Variants in GRM3 observed in about 807,000 individuals in gnomAD.
The protein encoded by GRM3 is glutamate metabotropic receptor 3.
In GRM3, 26 loss-of-function variants were observed where a neutral mutation model predicts 70.5. That is an observed-to-expected ratio of 0.37 (90% CI 0.27 to 0.51). GRM3 has a LOEUF of 0.51. GRM3 is among the 20% of genes least tolerant of loss of function. The probability of loss-of-function intolerance (pLI) is 0.93; values close to 1 mark genes in which losing one functional copy is unlikely to be tolerated. For missense variants in GRM3, 859 were observed against 1,123.8 expected (o/e 0.76, Z 3.37); for synonymous variants, 443 against 434.9 (o/e 1.02, Z -0.23).
intron 1 of GRM3, among the ~76,000 whole-genome samples, chr7:86,752,537 G>T (rs751959051): frequency 6.6e-6 from 1 of 152,032 alleles, no homozygotes; most frequent in Non-Finnish European, 1.5e-5. Flanking sequence ...TATCTGTGTT[G>T]GGAGATTCCT....
intron 1 of GRM3, among the ~76,000 whole-genome samples, chr7:86,682,024 C>T (rs546729106): frequency 6.6e-6 from 1 of 152,170 alleles, no homozygotes; most frequent in South Asian, 2.1e-4. Flanking sequence ...TTCATTAATT[C>T]TAACATGGGA....
intron 1 of GRM3, among the ~76,000 whole-genome samples, chr7:86,647,018 G>A (rs934214821): frequency 6.6e-6 from 1 of 152,086 alleles, no homozygotes; most frequent in African/African-American, 2.4e-5. Flanking sequence ...TTGAACAAAT[G>A]CAAATATAAC....
Position 86,832,722 on chromosome 7 carries a change from T to C in GRM3, c.1325-6117T>C, listed in dbSNP as rs143131064. Among the ~76,000 whole-genome samples, 812 of 152,300 alleles carry C rather than the reference T, an allele frequency of 5.3e-3. 27 individuals carry two copies. The highest frequency in any genetic ancestry group is 0.047 in the Admixed American group (724 of 15,302). On this transcript the variant is annotated intron_variant, in intron 3 of 5. Coordinates refer to ENST00000361669, the MANE Select transcript of GRM3 (RefSeq NM_000840.3). ...TTTAATCTCTCCTGCCATTGACTTA[T>C]GATATCTTTAAGGTATAGACTTGCT...
intron 1 of GRM3, among the ~76,000 whole-genome samples, chr7:86,682,064 A>G (rs952529525): frequency 1.3e-5 from 2 of 152,204 alleles, no homozygotes; most frequent in East Asian, 3.9e-4. Context: ...AAATAATCAC[A>G]TGGAGAGGTT....
intron 1 of GRM3, among the ~76,000 whole-genome samples, chr7:86,681,468 C>T (rs1358400066): frequency 3.3e-5 from 5 of 152,098 alleles, no homozygotes; most frequent in Admixed American, 3.3e-4. Context: ...AAGACATTAA[C>T]TGTGTCCTAG....
At chr7:86,824,190 A>T (rs1271092720) in intron 3 of GRM3, among the ~76,000 whole-genome samples, 1 of 152,212 alleles carries the variant, frequency 6.6e-6, no homozygotes, top group African/African-American at 2.4e-5. Context: ...TGTTAGATTC[A>T]CCAGTCAGAC....
intron 1 of GRM3, among the ~76,000 whole-genome samples, chr7:86,759,668 G>A (rs531211838): frequency 1.7e-4 from 26 of 152,174 alleles, no homozygotes; most frequent in Admixed American, 4.6e-4. Context: ...TGATCCTCAT[G>A]ATAAACATAG....
At chr7:86,725,210 G>A (rs762295958) in intron 1 of GRM3, among the ~76,000 whole-genome samples, 55 of 152,042 alleles carry the variant, frequency 3.6e-4, no homozygotes, top group Non-Finnish European at 6.6e-4. Flanking sequence ...AATCTTTAAG[G>A]ATTGATTTGA....
At chr7:86,857,518 G>A (rs1179356930) in intron 5 of GRM3, among the ~76,000 whole-genome samples, 1 of 152,154 alleles carries the variant, frequency 6.6e-6, no homozygotes, top group Non-Finnish European at 1.5e-5. Context: ...TCCAAATGGT[G>A]GTGGTTTAGA....
intron 1 of GRM3, among the ~76,000 whole-genome samples, chr7:86,753,551 A>G (rs186369177): frequency 9.0e-4 from 137 of 152,310 alleles, no homozygotes; most frequent in African/African-American, 3.2e-3. Context: ...CCCTTTCTAC[A>G]TAAATGCCTT....
At chr7:86,789,386 G>A (rs890886081) in intron 3 of GRM3, among the ~76,000 whole-genome samples, 6 of 152,144 alleles carry the variant, frequency 3.9e-5, no homozygotes, top group Non-Finnish European at 7.4e-5. Context: ...GTAATAGAAT[G>A]CAGATTTTAG....
At position 86,689,722 on chromosome 7, in the gene GRM3, G is replaced by A. The variant is rs567323766; in HGVS notation, c.-141+44850G>A. Among the ~76,000 whole-genome samples, 5 of 152,178 alleles carry A rather than the reference G, an allele frequency of 3.3e-5. No individual in the cohort carries two copies. The East Asian group carries it at 5.8e-4, about 18-fold the overall frequency. Reference sequence around the variant, plus strand: ...TGAATTAAAAGAAGGATACTGATAAGAGCAATAAGAATTATTTTACATAGA... The same window carrying A: ...TGAATTAAAAGAAGGATACTGATAAAAGCAATAAGAATTATTTTACATAGA... On this transcript the variant is annotated intron_variant, in intron 1 of 5. Coordinates refer to ENST00000361669, the MANE Select transcript of GRM3 (RefSeq NM_000840.3).
At chr7:86,743,448 T>TCCTTCTTC (rs1796033104) in intron 1 of GRM3, among the ~76,000 whole-genome samples, 1 of 152,110 alleles carries the variant, frequency 6.6e-6, no homozygotes. Context: ...TTATGGCCCT[T>TCCTTCTTC]CCTTCTTCCC....
intron 1 of GRM3, among the ~76,000 whole-genome samples, chr7:86,681,517 C>T (rs773837461): frequency 1.3e-5 from 2 of 152,018 alleles, no homozygotes; most frequent in Admixed American, 6.6e-5. Context: ...TTCAATGTGT[C>T]TACATTATTC....
chr7:86,713,056 T>C (rs1396774443), intron 1 of GRM3, among the ~76,000 whole-genome samples: 1 of 152,108 alleles, frequency 6.6e-6, no homozygotes, highest in African/African-American at 2.4e-5. Flanking sequence ...CTCTATACTA[T>C]TCTTCATAGC....
chr7:86,655,669 T>A (rs1180160715), intron 1 of GRM3, among the ~76,000 whole-genome samples: 2 of 152,100 alleles, frequency 1.3e-5, no homozygotes, highest in African/African-American at 4.8e-5. Flanking sequence ...GTCTTATGGG[T>A]TTCATCCACC....
Position 86,839,736 on chromosome 7 carries a change from TTACC to T in GRM3, c.2226_2229del (p.Tyr743MetfsTer2). 6.2e-7 allele frequency: 1 copy of T among 1,613,930 alleles called. No individual in the cohort carries two copies. Among genetic ancestry groups the T allele is most frequent in the Non-Finnish European group, 8.5e-7 (1 of 1,179,814 alleles). On this transcript the variant is annotated frameshift_variant, in exon 4 of 6. Transcript: ENST00000361669. LOFTEE classifies it high-confidence loss of function. The surrounding 1 kb of genome is among the most constrained non-coding windows in gnomAD (Gnocchi z 4.5). ...AAAGATTCCAGCATGTTGATCTCTC[TTACC>T]TACGATGTGATCCTGGTGATCTTAT...
At chr7:86,663,618 T>TG (rs1424818299) in intron 1 of GRM3, among the ~76,000 whole-genome samples, 20 of 152,066 alleles carry the variant, frequency 1.3e-4, no homozygotes, top group Admixed American at 2.0e-4. Context: ...TATGTCTTTT[T>TG]TTTGTTGTTG....
Position 86,825,174 on chromosome 7 carries a change from A to G in GRM3, c.1325-13665A>G, listed in dbSNP as rs557463989. Among the ~76,000 whole-genome samples the G allele has an allele frequency of 2.0e-5, 3 of 152,286 alleles. No individual in the cohort carries two copies. The South Asian group carries it at 6.2e-4, about 32-fold the overall frequency. Reference sequence around the variant, plus strand: ...CCCTCTTTGTGTCCATGTGTACTCAATGTTTAGCTCCCGCTTATAAGTGAG... The same window carrying G: ...CCCTCTTTGTGTCCATGTGTACTCAGTGTTTAGCTCCCGCTTATAAGTGAG... On this transcript the variant is annotated intron_variant, in intron 3 of 5. Transcript: ENST00000361669.
Sources: allele counts gnomAD v4.1 joint callset (sites outside exome capture counted in the v4.1 genomes callset), GRCh38; gene constraint gnomAD v4.1.1; non-coding constraint Gnocchi (gnomAD v3.1); transcripts MANE v1.5; gene names NCBI Gene and HGNC (gene_info 2026-07-23, HGNC 2026-07-21).